DNAH11: variants seen among roughly 807,000 people sequenced by gnomAD.
DNAH11 encodes axonemal beta dynein heavy chain 11.
Under a neutral mutation model 526.0 loss-of-function variants are expected in DNAH11, and 442 were observed. That is an observed-to-expected ratio of 0.84 (90% CI 0.78 to 0.91). The LOEUF is 0.91. DNAH11 is among the 40% of genes least tolerant of loss of function. The pLI is 0.00. For synonymous variants in DNAH11, 2,461 were observed against 1,935.9 expected (o/e 1.27, Z -7.12); for missense variants, 6,989 against 5,448.7 (o/e 1.28, Z -8.90).
intron 42 of DNAH11, 22 bp downstream of exon 42, chr7:21,711,882 A>G (rs1389920302): frequency 6.3e-7 from 1 of 1,576,144 alleles, no homozygotes. Flanking sequence ...TTTTTGTTTT[A>G]TTGTAGTAAA....
At chr7:21,846,683 T>A (rs1264684312) in intron 66 of DNAH11, among the ~76,000 whole-genome samples, 1 of 152,130 alleles carries the variant, frequency 6.6e-6, no homozygotes, top group Admixed American at 6.5e-5. Flanking sequence ...TTTCCTGTAA[T>A]GGGTTTATCT....
chr7:21,625,579 G>C (rs1200166259), intron 25 of DNAH11, among the ~76,000 whole-genome samples: 1 of 151,996 alleles, frequency 6.6e-6, no homozygotes, highest in Admixed American at 6.6e-5. Flanking sequence ...TCTAGTTCCT[G>C]AAGGGTTAGC....
At chr7:21,817,535 A>G (rs1348335663) in intron 64 of DNAH11, among the ~76,000 whole-genome samples, 2 of 151,210 alleles carry the variant, frequency 1.3e-5, no homozygotes, top group African/African-American at 4.9e-5. Context: ...AAAAAAAAAA[A>G]AAAAAAAAGT....
At chr7:21,597,646 C>G (rs1429018322) in intron 14 of DNAH11, among the ~76,000 whole-genome samples, 1 of 152,158 alleles carries the variant, frequency 6.6e-6, no homozygotes, top group Non-Finnish European at 1.5e-5. Context: ...GTAATGAGAA[C>G]AGCAAGCGGG....
At chr7:21,824,913 C>T (rs1418144492) in intron 65 of DNAH11, among the ~76,000 whole-genome samples, 1 of 152,162 alleles carries the variant, frequency 6.6e-6, no homozygotes, top group Admixed American at 6.6e-5. Context: ...GCTCTGTCAT[C>T]CAGGCTGGAG....
chr7:21,763,167 C>T (rs1371838086), intron 54 of DNAH11, among the ~76,000 whole-genome samples: 1 of 151,734 alleles, frequency 6.6e-6, no homozygotes, highest in Non-Finnish European at 1.5e-5. Context: ...CATAGTAAAA[C>T]CCTGTCTCTA....
At chr7:21,675,388 C>T (rs1048007524) in intron 30 of DNAH11, among the ~76,000 whole-genome samples, 1 of 152,164 alleles carries the variant, frequency 6.6e-6, no homozygotes, top group African/African-American at 2.4e-5. Context: ...CTGGCCAACC[C>T]CTAAATTCTT....
chr7:21,813,319 A>G (rs1962776), intron 63 of DNAH11, among the ~76,000 whole-genome samples: 61,773 of 151,990 alleles, frequency 0.41, 13,418 homozygotes, highest in East Asian at 0.82. Flanking sequence ...GCCAATAATT[A>G]GTTATTAGTT....
At chr7:21,635,763 C>G (rs761131890) in intron 25 of DNAH11, 108 bp from the exon 26 acceptor site, 40 of 847,950 alleles carry the variant, frequency 4.7e-5, no homozygotes, top group Non-Finnish European at 6.4e-5. Context: ...ATATTACATG[C>G]TAGGTCTAAG....
At chr7:21,657,806 C>T (rs1460467340) in intron 29 of DNAH11, among the ~76,000 whole-genome samples, 1 of 152,130 alleles carries the variant, frequency 6.6e-6, no homozygotes, top group African/African-American at 2.4e-5. Context: ...ATACTGAGGC[C>T]ATTTCCAGAG....
chr7:21,664,990 G>T (rs965425893), intron 30 of DNAH11, among the ~76,000 whole-genome samples: 1 of 151,992 alleles, frequency 6.6e-6, no homozygotes, highest in Non-Finnish European at 1.5e-5. Flanking sequence ...TCTTTGAGCT[G>T]CCATGGCATT....
rs189987348 is a variant in DNAH11 at position 21,828,115 on chromosome 7, A to C, written c.10691+9776A>C. ...AGGCATGCGCCACCATGCGCGGCTA[A>C]TTTTTGTATTTTTAGTAGAGATGGG... On this transcript the variant is annotated intron_variant, in intron 65 of 81. Coordinates refer to ENST00000409508, the MANE Select transcript of DNAH11 (RefSeq NM_001277115.2). Among the ~76,000 whole-genome samples, 305 of 152,144 alleles carry C rather than the reference A, an allele frequency of 2.0e-3. 1 individual carries two copies. Among genetic ancestry groups the C allele is most frequent in the African/African-American group, 6.7e-3 (277 of 41,500 alleles).
intron 28 of DNAH11, among the ~76,000 whole-genome samples, chr7:21,654,245 C>T (rs1029065406): frequency 5.3e-5 from 8 of 152,174 alleles, no homozygotes; most frequent in Non-Finnish European, 1.0e-4. Context: ...TCATACCCCT[C>T]CCTCCAGCCC....
chr7:21,587,067 C>G (rs995604010), intron 9 of DNAH11, among the ~76,000 whole-genome samples: 1 of 152,154 alleles, frequency 6.6e-6, no homozygotes, highest in Non-Finnish European at 1.5e-5. Flanking sequence ...GGACATAGCA[C>G]TATAGAAACA....
chr7:21,661,758 C>T (rs1449836889), intron 30 of DNAH11, among the ~76,000 whole-genome samples: 1 of 152,044 alleles, frequency 6.6e-6, no homozygotes, highest in Non-Finnish European at 1.5e-5. Flanking sequence ...CTGCAAAACA[C>T]GGACAATGAC....
At chr7:21,809,378 C>G (rs1444263814) in intron 63 of DNAH11, among the ~76,000 whole-genome samples, 2 of 152,104 alleles carry the variant, frequency 1.3e-5, no homozygotes, top group South Asian at 2.1e-4. Flanking sequence ...TGAGCAGAAG[C>G]CTTTAGCTTG....
intron 54 of DNAH11, among the ~76,000 whole-genome samples, chr7:21,761,163 A>C (rs867531807): frequency 6.6e-6 from 1 of 152,182 alleles, no homozygotes; most frequent in Non-Finnish European, 1.5e-5. Flanking sequence ...TTCTGGAAAA[A>C]TCTCACATGA....
At chr7:21,844,486 T>C (rs1374501412) in intron 66 of DNAH11, among the ~76,000 whole-genome samples, 1 of 152,190 alleles carries the variant, frequency 6.6e-6, no homozygotes, top group Non-Finnish European at 1.5e-5. Context: ...TGTCTATGAC[T>C]GCTTTTGCAC....
rs1055535523 is a variant in DNAH11, at chr7:21,779,243, T to C, written c.9483+139T>C. On this transcript the variant is annotated intron_variant, in intron 57 of 81. Transcript: ENST00000409508. ...TATTATAGTTACACATGTAACAGCA[T>C]TTCACACCGTGATTACCACTTGACC... 3.4e-5 allele frequency: 36 copies of C among 1,050,672 alleles called. 1 individual carries two copies. The South Asian group carries it at 6.1e-4, about 18-fold the overall frequency. 65.1% of individuals were successfully genotyped at this position (1,050,672 alleles called of 1,614,324 possible). A position where few individuals can be genotyped will look rare whatever the true frequency, so the allele number is the denominator to read the frequency against.
Sources: gnomAD v4.1 joint callset for allele counts (sites outside exome capture counted in the v4.1 genomes callset) on GRCh38, gnomAD v4.1.1 for gene constraint, MANE v1.5 for transcripts, NCBI Gene and HGNC (gene_info 2026-07-23, HGNC 2026-07-21) for gene names.